DOCK7: variants seen among roughly 807,000 people sequenced by gnomAD.
DOCK7 encodes the protein dedicator of cytokinesis 7.
In DOCK7, 138 loss-of-function variants were observed where a neutral mutation model predicts 271.0. The ratio of observed to expected loss-of-function variants is 0.51; its 90% CI spans 0.44 to 0.59. The LOEUF (loss-of-function observed/expected upper bound fraction) is 0.59. DOCK7 is among the 20% of genes least tolerant of loss of function. DOCK7 has a pLI of 0.00. For missense variants in DOCK7, 2,066 were observed against 2,592.4 expected (o/e 0.80, Z 4.41); for synonymous variants, 823 against 876.1 (o/e 0.94, Z 1.07).
At chr1:62,647,078 T>C (rs908666423) in intron 7 of DOCK7, among the ~76,000 whole-genome samples, 1 of 152,184 alleles carries the variant, frequency 6.6e-6, no homozygotes, top group Non-Finnish European at 1.5e-5. Context: ...TATATAGACA[T>C]CGTCTGTCCC....
At chr1:62,526,955 C>T (rs977510192) in intron 31 of DOCK7, among the ~76,000 whole-genome samples, 1 of 152,040 alleles carries the variant, frequency 6.6e-6, no homozygotes, top group African/African-American at 2.4e-5. Flanking sequence ...ATCTTTTCAG[C>T]GTATTGGAAA....
intron 22 of DOCK7, among the ~76,000 whole-genome samples, chr1:62,549,664 T>C (rs1417364046): frequency 2.0e-5 from 3 of 152,188 alleles, no homozygotes; most frequent in African/African-American, 7.2e-5. Flanking sequence ...AAATTATATA[T>C]ACACTTCTAG....
chr1:62,654,317 CAA>C (rs1223926348), intron 2 of DOCK7, among the ~76,000 whole-genome samples, 158 bp from the exon 3 acceptor site: 4 of 152,224 alleles, frequency 2.6e-5, no homozygotes, highest in Non-Finnish European at 4.4e-5. Flanking sequence ...AAAGAAAACA[CAA>C]AGTGTTACCC....
rs374462701 is a variant in DOCK7, at chr1:62,618,843, G to A, written c.1545C>T (p.Pro515=). The A allele has an allele frequency of 1.1e-4, 184 of 1,613,636 alleles. No individual in the cohort carries two copies. The East Asian group carries it at 2.6e-3, about 23-fold the overall frequency. The change falls in exon 14 of 50, where the codon CCC becomes CCT. Residue 515 remains proline, a synonymous_variant. Transcript: ENST00000635253. ...ITAQLKIDIS[P]APENPHYCLT... ...GGCAATAATGGGGATTTTCAGGTGCGGGAGAAATGTCTATCTTGAGCTGAG... is the reference window on the plus strand; with the variant it reads ...GGCAATAATGGGGATTTTCAGGTGCAGGAGAAATGTCTATCTTGAGCTGAG...
At chr1:62,463,055 A>G (rs1645576434) in intron 48 of DOCK7, among the ~76,000 whole-genome samples, 1 of 151,922 alleles carries the variant, frequency 6.6e-6, no homozygotes. Flanking sequence ...TTCAGAGGAG[A>G]TATTTGTGAT....
chr1:62,570,823 T>A (rs1157166217), intron 18 of DOCK7, among the ~76,000 whole-genome samples: 5 of 152,188 alleles, frequency 3.3e-5, no homozygotes, highest in African/African-American at 4.8e-5. Flanking sequence ...CCCTATTTAA[T>A]AAATGGTGCT....
chr1:62,645,872 G>A (rs1656583267), intron 7 of DOCK7, among the ~76,000 whole-genome samples: 1 of 152,146 alleles, frequency 6.6e-6, no homozygotes, highest in Middle Eastern at 3.2e-3. Context: ...ACTCGGCCAG[G>A]CGTGGTGGCT....
At chr1:62,670,847 T>C (rs1168126) in intron 1 of DOCK7, among the ~76,000 whole-genome samples, 145,056 of 148,918 alleles carry the variant, frequency 0.97, 70,740 homozygotes, top group Non-Finnish European at 1. Context: ...ATTGGCAACC[T>C]GCTTGGGTCC....
chr1:62,472,398 G>A (rs1001886269), intron 48 of DOCK7, among the ~76,000 whole-genome samples: 1 of 152,000 alleles, frequency 6.6e-6, no homozygotes, highest in Admixed American at 6.6e-5. Context: ...AGCCACTCAC[G>A]CCCCACCTGT....
In DOCK7 at chr1:62,636,540, T is replaced by A; in HGVS notation, c.882A>T (p.Lys294Asn). The change falls in exon 8 of 50, where the codon AAA becomes AAT. Residue 294 changes from lysine (K) to asparagine (N), a missense_variant. Coordinates refer to ENST00000635253, the MANE Select transcript of DOCK7 (RefSeq NM_001367561.1). ...TGGTCAAATTATATAATCTTACCTT[T>A]TTCTTTTCCTTGACATCATATAAAG... is the stretch of plus-strand genomic sequence containing the variant. The part of the protein sequence containing the change: ...SLALYDVKEK[K>N]KISENFYFDL... 1 of 1,597,912 alleles carries A rather than the reference T, an allele frequency of 6.3e-7. No individual in the cohort carries two copies. The highest frequency in any genetic ancestry group is 1.1e-5 in the South Asian group (1 of 88,338).
At chr1:62,543,543 A>G (rs1235800551) in intron 24 of DOCK7, 113 bp downstream of exon 24, 12 of 687,852 alleles carry the variant, frequency 1.7e-5, no homozygotes, top group Non-Finnish European at 2.4e-5. Context: ...TATATTTTTA[A>G]GCACAATGCA....
At chr1:62,524,163 A>G (rs903894682) in intron 31 of DOCK7, among the ~76,000 whole-genome samples, 4 of 152,226 alleles carry the variant, frequency 2.6e-5, no homozygotes, top group African/African-American at 9.6e-5. Flanking sequence ...ACAAGCTAAA[A>G]TGAGATTCAA....
At chr1:62,674,236 A>T (rs1027924751) in intron 1 of DOCK7, among the ~76,000 whole-genome samples, 2 of 152,222 alleles carry the variant, frequency 1.3e-5, no homozygotes, top group African/African-American at 4.8e-5. Context: ...ATTTAACAAA[A>T]GAGGTACAAG....
chr1:62,579,185 T>C (rs984572363), intron 16 of DOCK7, among the ~76,000 whole-genome samples: 48 of 152,190 alleles, frequency 3.2e-4, no homozygotes, highest in Non-Finnish European at 6.0e-4. Context: ...ATTTTCTTAA[T>C]GGGCTGAGTA....
At chr1:62,551,880 T>C (rs1194396407) in intron 22 of DOCK7, among the ~76,000 whole-genome samples, 2 of 151,570 alleles carry the variant, frequency 1.3e-5, no homozygotes, top group East Asian at 3.9e-4. Flanking sequence ...TACATATATA[T>C]ATAGGCCTCT....
At position 62,543,748 on chromosome 1, in the gene DOCK7, A is replaced by C; in HGVS notation, c.2860-3T>G. On this transcript the variant is annotated splice_polypyrimidine_tract_variant and splice_region_variant and intron_variant, in intron 23 of 49. Coordinates refer to ENST00000635253, the MANE Select transcript of DOCK7 (RefSeq NM_001367561.1). ...CGATTACAACTTCGATCCATAGCCTATGGAGTGAAGATGAATGAATGACGA... is the reference window on the plus strand; with the variant it reads ...CGATTACAACTTCGATCCATAGCCTCTGGAGTGAAGATGAATGAATGACGA... 6.4e-7 allele frequency: 1 copy of C among 1,574,040 alleles called. No individual in the cohort carries two copies. The highest frequency in any genetic ancestry group is 8.7e-7 in the Non-Finnish European group (1 of 1,150,886).
Position 62,476,338 on chromosome 1 carries a change from C to T in DOCK7, c.5635-182G>A, listed in dbSNP as rs377567813. The T allele has an allele frequency of 6.4e-4, 323 of 501,424 alleles. 2 individuals are homozygous for T. Among genetic ancestry groups the T allele is most frequent in the African/African-American group, 5.2e-3 (272 of 52,156 alleles). 31.1% of individuals were successfully genotyped at this position (501,424 alleles called of 1,614,324 possible). ...ACTAGCTTATAAATTAGCATGGTCT[C>T]GGTCCATATTTATTTGACATTATTC... is the stretch of plus-strand genomic sequence containing the variant. On this transcript the variant is annotated intron_variant, in intron 44 of 49. Transcript: ENST00000635253.
At position 62,552,692 on chromosome 1, in the gene DOCK7, A is replaced by G. The variant is rs765992654; in HGVS notation, c.2766+40T>C. ...ACTGGATATTTCTCGTTTGTTCACA[A>G]AACAAAAACCAAATTTACAGATGCA... On this transcript the variant is annotated intron_variant, in intron 22 of 49. Coordinates refer to ENST00000635253, the MANE Select transcript of DOCK7 (RefSeq NM_001367561.1). The G allele has an allele frequency of 3.2e-6, 5 of 1,546,370 alleles. No individual in the cohort carries two copies. The Admixed American group carries it at 9.1e-5, about 28-fold the overall frequency.
chr1:62,550,850 A>C (rs1365893255), intron 22 of DOCK7, among the ~76,000 whole-genome samples: 1 of 151,448 alleles, frequency 6.6e-6, no homozygotes, highest in African/African-American at 2.4e-5. Flanking sequence ...CCTCCAGAGT[A>C]GCTGGGATTA....
Sources: gnomAD v4.1 joint callset for allele counts (sites outside exome capture counted in the v4.1 genomes callset) on GRCh38, gnomAD v4.1.1 for gene constraint, MANE v1.5 for transcripts, NCBI Gene and HGNC (gene_info 2026-07-23, HGNC 2026-07-21) for gene names.